Variants in KIAA0753 observed in about 807,000 individuals in gnomAD.
The protein encoded by KIAA0753 is KIAA0753, also known as protein moonraker.
In KIAA0753, 114 loss-of-function variants were observed where a neutral mutation model predicts 116.9. The observed-to-expected ratio is 0.98, with a 90% CI of 0.84 to 1.14. The LOEUF (loss-of-function observed/expected upper bound fraction) is 1.14. KIAA0753 is among the 50% of genes most tolerant of loss of function. KIAA0753 has a pLI of 0.00. For synonymous variants in KIAA0753, 405 were observed against 413.1 expected, an observed-to-expected ratio of 0.98 and a Z score of 0.24; for missense variants, 1,156 against 1,172.4, an observed-to-expected ratio of 0.99 and a Z score of 0.20.
chr17:6,607,184 T>A lies in KIAA0753; in HGVS notation c.1916A>T (p.Gln639Leu), dbSNP rs779205861. 2 of 1,613,048 alleles carry A rather than the reference T, an allele frequency of 1.2e-6. No homozygotes were observed. Among genetic ancestry groups the A allele is most frequent in the Admixed American group, 1.7e-5 (1 of 60,020 alleles). The change falls in exon 11 of 19, where the codon CAG (glutamine) becomes CTG (leucine). Residue 639 changes from glutamine (Q) to leucine (L), a missense_variant. Coordinates refer to ENST00000361413, the MANE Select transcript of KIAA0753 (RefSeq NM_014804.3). ...KAKEIDSMQKQRLDWLDAETS... is the reference protein window; with the variant it reads ...KAKEIDSMQKLRLDWLDAETS... ...TAACTCAGAAGCAAATATTTACCTC[T>A]GTTTTTGCATGCTGTCAATTTCCTT...
intron 15 of KIAA0753, among the ~76,000 whole-genome samples, chr17:6,595,762 AG>A (rs1396877938): frequency 6.6e-6 from 1 of 152,232 alleles, no homozygotes; most frequent in Admixed American, 6.5e-5. Context: ...GTGATTTGAT[AG>A]GATCACACTC....
chr17:6,597,184 G>C (rs1231732106), intron 14 of KIAA0753, among the ~76,000 whole-genome samples: 1 of 152,152 alleles, frequency 6.6e-6, no homozygotes, highest in Non-Finnish European at 1.5e-5. Context: ...CATGAAATAA[G>C]ACACTCAATG....
At chr17:6,580,919 C>T (rs1968125763) in intron 18 of KIAA0753, among the ~76,000 whole-genome samples, 2 of 144,032 alleles carry the variant, frequency 1.4e-5, no homozygotes, top group Non-Finnish European at 3.1e-5. Context: ...CACACACACA[C>T]ACACACACAC....
intron 7 of KIAA0753, among the ~76,000 whole-genome samples, chr17:6,616,897 A>G (rs943440706): frequency 1.3e-5 from 2 of 152,192 alleles, no homozygotes; most frequent in African/African-American, 4.8e-5. Flanking sequence ...AGGTGGGACT[A>G]AAATCTAGGT....
At chr17:6,585,032 A>G (rs980617040) in intron 18 of KIAA0753, among the ~76,000 whole-genome samples, 1 of 152,136 alleles carries the variant, frequency 6.6e-6, no homozygotes, top group African/African-American at 2.4e-5. Flanking sequence ...GGGCTCAAGC[A>G]ATCCTCCTGC....
chr17:6,619,476 G>C (rs1971158070), intron 7 of KIAA0753, among the ~76,000 whole-genome samples: 1 of 151,814 alleles, frequency 6.6e-6, no homozygotes, highest in African/African-American at 2.4e-5. Context: ...ACCCAGGCTG[G>C]AGTGCAGTGG....
rs771777741 is a variant in KIAA0753, at chr17:6,623,542, T to A, written c.855A>T (p.Lys285Asn). 60 of 1,610,598 alleles carry A rather than the reference T, an allele frequency of 3.7e-5. No homozygotes were observed. Among genetic ancestry groups the A allele is most frequent in the Non-Finnish European group, 5.1e-5 (60 of 1,177,956 alleles). ...QVKEIQEELD[K>N]LSPHKIKHTK... The stretch of plus-strand genomic sequence containing the variant: ...TGTGTTTAATTTTATGTGGACTCAA[T>A]TTATCCAATTCTTCCTGGATTTCTT... Residue 285 changes from lysine (K) to asparagine (N), a missense_variant, in exon 5 of 19, where the codon AAA becomes AAT. By Grantham distance (94) the Lys-to-Asn change is moderately conservative. Transcript: ENST00000361413.
chr17:6,611,602 C>T (rs1430003999), intron 8 of KIAA0753, among the ~76,000 whole-genome samples: 1 of 152,080 alleles, frequency 6.6e-6, no homozygotes, highest in African/African-American at 2.4e-5. Flanking sequence ...GGAACCAAAT[C>T]TTAATCCCCT....
chr17:6,599,103 A>ATATT (rs1449656741), intron 14 of KIAA0753, 134 bp downstream of exon 14: 1 of 658,472 alleles, frequency 1.5e-6, no homozygotes, highest in Non-Finnish European at 2.7e-6. Flanking sequence ...AACATGCCAA[A>ATATT]TGTGAAAAAT....
rs755191051 is a variant in KIAA0753, at chr17:6,612,059, C to T, written c.1405G>A (p.Gly469Arg). ...VLDADIVLEE[G>R]PFILDQSASF... ...GCACTTTGGTCTAGAATAAATGGTC[C>T]TTCTTCCAGAACTATATCCGCATCT... is the stretch of plus-strand genomic sequence containing the variant. Residue 469 changes from glycine (G) to arginine (R), a missense_variant, in exon 8 of 19, where the codon GGA (glycine) becomes AGA (arginine). Coordinates refer to ENST00000361413, the MANE Select transcript of KIAA0753 (RefSeq NM_014804.3). 2 of 1,614,196 alleles carry T rather than the reference C, an allele frequency of 1.2e-6. No homozygotes were observed. The highest frequency in any genetic ancestry group is 1.1e-5 in the South Asian group (1 of 91,078).
chr17:6,602,929 G>A (rs183184003), intron 12 of KIAA0753, among the ~76,000 whole-genome samples: 1 of 152,130 alleles, frequency 6.6e-6, no homozygotes, highest in East Asian at 1.9e-4. Context: ...GATTATGTAG[G>A]TCAAAAGGCA....
chr17:6,603,962 G>A (rs902370779), intron 12 of KIAA0753, among the ~76,000 whole-genome samples: 9 of 152,112 alleles, frequency 5.9e-5, no homozygotes, highest in Non-Finnish European at 1.3e-4. Context: ...CCATCAGAAC[G>A]CCTACAAAAA....
chr17:6,635,028 T>TG lies in KIAA0753; in HGVS notation c.75dup (p.Lys26GlnfsTer12), dbSNP rs770028605. The TG allele has an allele frequency of 3.7e-6, 6 of 1,609,362 alleles. No individual in the cohort carries two copies. In the African/African-American group the frequency reaches 6.7e-5, roughly 18 times the overall value. On this transcript the variant is annotated frameshift_variant, in exon 2 of 19. Transcript: ENST00000361413. LOFTEE classifies it high-confidence loss of function. ...AGAACTACCTGGGTCTGAAGTACTT[T>TG]GGGGTCGCTCCTCCCATCAAGTTGG...
In KIAA0753 at chr17:6,610,112, T is replaced by C; in HGVS notation, c.1594A>G (p.Ser532Gly). 1 of 1,614,132 alleles carries C rather than the reference T, an allele frequency of 6.2e-7. No homozygotes were observed. Among genetic ancestry groups the C allele is most frequent in the Non-Finnish European group, 8.5e-7 (1 of 1,180,018 alleles). The change falls in exon 9 of 19, where the codon AGC becomes GGC. Residue 532 changes from serine (S) to glycine (G), a missense_variant. Physicochemically the swap from Ser to Gly is moderately conservative, Grantham distance 56 (BLOSUM62 0). Coordinates refer to ENST00000361413, the MANE Select transcript of KIAA0753 (RefSeq NM_014804.3). ...GAAACTGTTGTCTGCTGCACTCTGC[T>C]TTTACTGTGAGGTTGGCTTTGTCTA... is the stretch of plus-strand genomic sequence containing the variant. ...RGRQSQPHSKSRVQQTTVSSR... is the reference protein window; with the variant it reads ...RGRQSQPHSKGRVQQTTVSSR...
chr17:6,614,111 T>C (rs1013180941), intron 7 of KIAA0753, among the ~76,000 whole-genome samples: 7 of 152,242 alleles, frequency 4.6e-5, no homozygotes, highest in African/African-American at 1.7e-4. Context: ...TTGACTTCAC[T>C]AGAATCAAAA....
chr17:6,623,204 T>C, intron 5 of KIAA0753, 107 bp from the exon 6 acceptor site: 1 of 1,151,916 alleles, frequency 8.7e-7, no homozygotes, highest in Non-Finnish European at 1.2e-6. Flanking sequence ...TATAAAGTGC[T>C]TTCTATTGTG....
Position 6,610,123 on chromosome 17 carries a change from G to A in KIAA0753, c.1583C>T (p.Pro528Leu). 6.2e-7 allele frequency: 1 copy of A among 1,614,104 alleles called. No homozygotes were observed. Among genetic ancestry groups the A allele is most frequent in the South Asian group, 1.1e-5 (1 of 91,074 alleles). ...RKAERGRQSQ[P>L]HSKSRVQQTT... The stretch of plus-strand genomic sequence containing the variant: ...CTGCTGCACTCTGCTTTTACTGTGA[G>A]GTTGGCTTTGTCTACCTCTTTCAGC... The change falls in exon 9 of 19, where the codon CCT becomes CTT. Residue 528 changes from proline to leucine, a missense_variant. Coordinates refer to ENST00000361413, the MANE Select transcript of KIAA0753 (RefSeq NM_014804.3).
rs368409165 is a variant in KIAA0753 at position 6,624,822 on chromosome 17, C to T, written c.758G>A (p.Arg253Gln). ...EEALDPDEER[R>Q]IRIRRQEQAA... Reference sequence around the variant, plus strand: ...TTGCTCCTGTCTCCTGATACGGATTCGACGTTCTTCATCTGGATCCAAAGC... The same window carrying T: ...TTGCTCCTGTCTCCTGATACGGATTTGACGTTCTTCATCTGGATCCAAAGC... The change falls in exon 4 of 19, where the codon CGA becomes CAA. Residue 253 changes from arginine (R) to glutamine (Q), a missense_variant. Transcript: ENST00000361413. 2.1e-5 allele frequency: 33 copies of T among 1,562,242 alleles called. No individual in the cohort carries two copies. The highest frequency in any genetic ancestry group is 2.3e-5 in the Non-Finnish European group (27 of 1,151,352).
chr17:6,634,577 C>G (rs1972197564), intron 2 of KIAA0753, among the ~76,000 whole-genome samples: 1 of 152,108 alleles, frequency 6.6e-6, no homozygotes, highest in Admixed American at 6.5e-5. Context: ...ATAATGGAAT[C>G]TAGGTGAGGT....
Sources: gnomAD v4.1 joint callset for allele counts (sites outside exome capture counted in the v4.1 genomes callset) on GRCh38, gnomAD v4.1.1 for gene constraint, MANE v1.5 for transcripts, NCBI Gene and HGNC (gene_info 2026-07-23, HGNC 2026-07-21) for gene names.